Variants in MECOM observed in about 807,000 individuals in gnomAD.
The protein encoded by MECOM is histone-lysine N-methyltransferase MECOM.
A neutral mutation model predicts 116.3 loss-of-function variants in MECOM; 13 were observed. That is an observed-to-expected ratio of 0.11 (90% confidence interval 0.07 to 0.18). The LOEUF (loss-of-function observed/expected upper bound fraction) is 0.18, where lower values mean the gene tolerates loss of function less well. Ranked by LOEUF, MECOM falls within the 10% of genes least tolerant of loss-of-function variation. The probability of loss-of-function intolerance (pLI) is 1.00; values close to 1 mark genes in which losing one functional copy is unlikely to be tolerated. For synonymous variants in MECOM, 528 were observed against 535.2 expected, an observed-to-expected ratio of 0.99 and a Z score of 0.19; for missense variants, 1,299 against 1,509.0, an observed-to-expected ratio of 0.86 and a Z score of 2.31.
chr3:169,097,217 T>C (rs564900935), intron 12 of MECOM, among the ~76,000 whole-genome samples: 4 of 152,156 alleles, frequency 2.6e-5, no homozygotes, highest in Non-Finnish European at 4.4e-5. Context: ...CTTCTAACTT[T>C]CTGCTTGCAC....
intron 2 of MECOM, among the ~76,000 whole-genome samples, chr3:169,377,550 G>C (rs1338759641): frequency 6.6e-6 from 1 of 152,030 alleles, no homozygotes; most frequent in Admixed American, 6.6e-5. Context: ...ACATTTATGT[G>C]GCCAACAAAC....
chr3:169,228,002 G>C (rs1752947276), intron 2 of MECOM, among the ~76,000 whole-genome samples: 1 of 152,274 alleles, frequency 6.6e-6, no homozygotes, highest in Middle Eastern at 3.4e-3. Flanking sequence ...AAGGTCAACA[G>C]AACAGACAAT....
At chr3:169,310,005 C>A (rs1157104722) in intron 2 of MECOM, among the ~76,000 whole-genome samples, 1 of 152,182 alleles carries the variant, frequency 6.6e-6, no homozygotes, top group African/African-American at 2.4e-5. Flanking sequence ...AAATGCAGGA[C>A]AAGTGTGGCC....
At chr3:169,140,170 G>A (rs1012660522) in intron 3 of MECOM, among the ~76,000 whole-genome samples, 3 of 151,936 alleles carry the variant, frequency 2.0e-5, no homozygotes, top group African/African-American at 7.2e-5. Context: ...CTGCCTTTCA[G>A]GGCCAATTCT....
intron 2 of MECOM, among the ~76,000 whole-genome samples, chr3:169,190,989 A>G (rs1417715834): frequency 6.6e-6 from 1 of 151,932 alleles, no homozygotes; most frequent in African/African-American, 2.4e-5. Context: ...TACCCATAGA[A>G]AGGCTGGCAT....
chr3:169,564,746 T>C (rs1465099282), intron 1 of MECOM, among the ~76,000 whole-genome samples: 1 of 152,152 alleles, frequency 6.6e-6, no homozygotes, highest in African/African-American at 2.4e-5. Context: ...TGTAATGAGG[T>C]TCAATTTAAA....
chr3:169,202,008 T>G (rs1749225618), intron 2 of MECOM, among the ~76,000 whole-genome samples: 1 of 152,134 alleles, frequency 6.6e-6, no homozygotes, highest in African/African-American at 2.4e-5. Context: ...TAGACTCTGT[T>G]TCCAATGGTA....
chr3:169,235,724 G>A (rs138436257), intron 2 of MECOM, among the ~76,000 whole-genome samples: 24 of 151,594 alleles, frequency 1.6e-4, no homozygotes, highest in Non-Finnish European at 2.4e-4. Flanking sequence ...AATTTTCTTC[G>A]CACACACAAA....
intron 1 of MECOM, among the ~76,000 whole-genome samples, chr3:169,388,916 A>G (rs568639055): frequency 6.6e-6 from 1 of 152,182 alleles, no homozygotes; most frequent in Non-Finnish European, 1.5e-5. Flanking sequence ...AAAATATTTC[A>G]TATACGAGTT....
chr3:169,327,639 CAAAAAAA>C (rs771134017), intron 2 of MECOM, among the ~76,000 whole-genome samples: 2 of 69,548 alleles, frequency 2.9e-5, no homozygotes, highest in Non-Finnish European at 5.7e-5. Flanking sequence ...GACTGTGTCT[CAAAAAAA>C]AAAAAAAAAA....
intron 5 of MECOM, among the ~76,000 whole-genome samples, chr3:169,123,724 T>C (rs1042851005): frequency 2.0e-5 from 3 of 152,056 alleles, no homozygotes; most frequent in Non-Finnish European, 2.9e-5. Flanking sequence ...CCCTTGAACA[T>C]CTTGTTATGA....
At chr3:169,590,122 GTTTTGGA>G (rs1039508966) in intron 1 of MECOM, among the ~76,000 whole-genome samples, 2 of 152,144 alleles carry the variant, frequency 1.3e-5, no homozygotes, top group Non-Finnish European at 2.9e-5. Flanking sequence ...GTTTGTTTTT[GTTTTGGA>G]TTTCTATAAA....
intron 2 of MECOM, among the ~76,000 whole-genome samples, chr3:169,274,172 A>C (rs1206833186): frequency 6.6e-6 from 1 of 152,082 alleles, no homozygotes; most frequent in African/African-American, 2.4e-5. Flanking sequence ...TCGACCTCAC[A>C]AAGTGCTGGG....
At chr3:169,529,268 C>A (rs1018858547) in intron 1 of MECOM, among the ~76,000 whole-genome samples, 3 of 152,216 alleles carry the variant, frequency 2.0e-5, no homozygotes, top group Admixed American at 2.0e-4. Flanking sequence ...GCTGTGCAAC[C>A]TTGGTTAAAA....
At chr3:169,251,368 A>G (rs1022343246) in intron 2 of MECOM, among the ~76,000 whole-genome samples, 1 of 152,178 alleles carries the variant, frequency 6.6e-6, no homozygotes, top group African/African-American at 2.4e-5. Flanking sequence ...TCAGCTGTGA[A>G]AAGTTTCTTT....
intron 9 of MECOM, among the ~76,000 whole-genome samples, chr3:169,109,998 C>A (rs1276980154): frequency 6.6e-6 from 1 of 152,058 alleles, no homozygotes; most frequent in Non-Finnish European, 1.5e-5. Flanking sequence ...ATTATGATAA[C>A]CCAAGAAATA....
Position 169,643,968 on chromosome 3 carries a change from C to A in MECOM, c.37+19368G>T, listed in dbSNP as rs551202903. 8.5e-5 allele frequency among the ~76,000 whole-genome samples: 13 copies of A among 152,260 alleles called. No individual in the cohort carries two copies. In the South Asian group the frequency reaches 2.7e-3, roughly 32 times the overall value. On this transcript the variant is annotated intron_variant, in intron 1 of 16. Coordinates refer to ENST00000651503, the MANE Select transcript of MECOM (RefSeq NM_004991.4). Reference sequence around the variant, plus strand: ...AGCAGCTAAGAAATAGGTAAGCCAGCATTCTCTTACCAGTTTCACCCCCTC... The same window carrying A: ...AGCAGCTAAGAAATAGGTAAGCCAGAATTCTCTTACCAGTTTCACCCCCTC...
intron 2 of MECOM, among the ~76,000 whole-genome samples, chr3:169,312,142 A>C (rs1187830297): frequency 6.6e-6 from 1 of 152,176 alleles, no homozygotes; most frequent in East Asian, 1.9e-4. Flanking sequence ...CCTTGGTTGC[A>C]ATGTGGAGAA....
At chr3:169,346,247 A>C (rs2149798014) in intron 2 of MECOM, among the ~76,000 whole-genome samples, 1 of 152,178 alleles carries the variant, frequency 6.6e-6, no homozygotes, top group Non-Finnish European at 1.5e-5. Flanking sequence ...TAATTGCCTT[A>C]CCTCTCTCAG....
Sources: gnomAD v4.1 joint callset for allele counts (sites outside exome capture counted in the v4.1 genomes callset) on GRCh38, gnomAD v4.1.1 for gene constraint, MANE v1.5 for transcripts, NCBI Gene and HGNC (gene_info 2026-07-23, HGNC 2026-07-21) for gene names.